Variants in DPF3 observed in about 807,000 individuals in gnomAD.
The protein encoded by DPF3 is zinc finger protein DPF3.
In DPF3, 18 loss-of-function variants were observed where a neutral mutation model predicts 56.8. The ratio of observed to expected loss-of-function variants is 0.32; its 90% confidence interval spans 0.22 to 0.47. The LOEUF (loss-of-function observed/expected upper bound fraction) is 0.47. Ranked by LOEUF, DPF3 falls within the 20% of genes least tolerant of loss-of-function variation. The pLI, the probability that DPF3 is intolerant of heterozygous loss-of-function variation, is 1.00. For synonymous variants in DPF3, 188 were observed against 180.2 expected (o/e 1.04, Z -0.35); for missense variants, 403 against 488.8 (o/e 0.82, Z 1.65).
At chr14:72,868,819 A>G (rs1885781139) in intron 1 of DPF3, among the ~76,000 whole-genome samples, 1 of 151,896 alleles carries the variant, frequency 6.6e-6, no homozygotes, top group Non-Finnish European at 1.5e-5. Flanking sequence ...TCTCATTTTT[A>G]TTTTCTAAAT....
At chr14:72,663,805 A>G (rs1341904535) in intron 8 of DPF3, among the ~76,000 whole-genome samples, 1 of 152,068 alleles carries the variant, frequency 6.6e-6, no homozygotes, top group East Asian at 1.9e-4. Flanking sequence ...AAAGCTCAAA[A>G]GCAAATGAGC....
intron 5 of DPF3, among the ~76,000 whole-genome samples, chr14:72,716,051 G>A (rs1469138454): frequency 1.3e-5 from 2 of 151,726 alleles, no homozygotes; most frequent in Non-Finnish European, 2.9e-5. Context: ...TTGACATGTA[G>A]CCTGCAGCCC....
chr14:72,638,898 G>A (rs560292639), intron 8 of DPF3, among the ~76,000 whole-genome samples: 1 of 151,348 alleles, frequency 6.6e-6, no homozygotes, highest in South Asian at 2.1e-4. Flanking sequence ...CTCACTGCGA[G>A]CTCTGCCTCC....
At chr14:72,697,162 G>A (rs142823043) in intron 6 of DPF3, among the ~76,000 whole-genome samples, 1 of 152,124 alleles carries the variant, frequency 6.6e-6, no homozygotes, top group Non-Finnish European at 1.5e-5. Flanking sequence ...ATTTTTAACC[G>A]GGTATTTGTA....
chr14:72,879,364 G>C (rs562669304), intron 1 of DPF3, among the ~76,000 whole-genome samples: 2 of 150,494 alleles, frequency 1.3e-5, no homozygotes, highest in South Asian at 4.2e-4. Context: ...GTGAGACAGA[G>C]AGAGATTCCA....
Position 72,803,635 on chromosome 14 carries a change from A to G in DPF3, c.33-31742T>C, listed in dbSNP as rs116691115. On this transcript the variant is annotated intron_variant, in intron 1 of 10. Coordinates refer to ENST00000556509, the MANE Select transcript of DPF3 (RefSeq NM_001280542.3). ...TGCCTAGGTGGGCAACTGGAGTGGA[A>G]GCTCCACAAGGGTATGAATGCTGTC... Among the ~76,000 whole-genome samples, 282 of 152,324 alleles carry G rather than the reference A, an allele frequency of 1.9e-3. 1 individual carries two copies. Among genetic ancestry groups the G allele is most frequent in the African/African-American group, 6.6e-3 (274 of 41,580 alleles).
intron 3 of DPF3, among the ~76,000 whole-genome samples, chr14:72,737,887 AT>A (rs1160640468): frequency 6.6e-6 from 1 of 151,932 alleles, no homozygotes. Flanking sequence ...CTGCTAGATC[AT>A]GAGTGCTCAA....
At chr14:72,821,856 T>TA (rs1883560581) in intron 1 of DPF3, among the ~76,000 whole-genome samples, 1 of 151,172 alleles carries the variant, frequency 6.6e-6, no homozygotes, top group South Asian at 2.1e-4. Context: ...ATTTTTTTTT[T>TA]AATTAGCCAG....
chr14:72,639,370 T>C (rs1885477272), intron 8 of DPF3, among the ~76,000 whole-genome samples: 1 of 152,176 alleles, frequency 6.6e-6, no homozygotes, highest in Non-Finnish European at 1.5e-5. Context: ...CATACTCTTT[T>C]GTCATTCTCC....
At chr14:72,752,964 C>T (rs1028896958) in intron 3 of DPF3, among the ~76,000 whole-genome samples, 4 of 152,166 alleles carry the variant, frequency 2.6e-5, no homozygotes, top group Admixed American at 2.6e-4. Flanking sequence ...AGCTGCACAT[C>T]CTTCAGTTCT....
chr14:72,881,511 G>T (rs893551657), intron 1 of DPF3, among the ~76,000 whole-genome samples: 6 of 152,114 alleles, frequency 3.9e-5, no homozygotes, highest in Admixed American at 6.5e-5. Context: ...GGAATCCACC[G>T]TCCCTTCCCT....
intron 1 of DPF3, among the ~76,000 whole-genome samples, chr14:72,816,257 G>C (rs1883280229): frequency 6.6e-6 from 1 of 152,050 alleles, no homozygotes; most frequent in African/African-American, 2.4e-5. Context: ...CCCCACCCTG[G>C]GACCAACAGA....
chr14:72,728,765 G>T (rs939972926), intron 4 of DPF3, among the ~76,000 whole-genome samples: 1 of 151,988 alleles, frequency 6.6e-6, no homozygotes, highest in African/African-American at 2.4e-5. Context: ...TCCTGCCCTC[G>T]AGGAGTTTAC....
chr14:72,645,353 G>T (rs546707965), intron 8 of DPF3, among the ~76,000 whole-genome samples: 13 of 151,234 alleles, frequency 8.6e-5, no homozygotes, highest in African/African-American at 3.2e-4. Flanking sequence ...AGACTAGAGT[G>T]CAGTGGTGCA....
chr14:72,671,590 A>G (rs1886679847), intron 8 of DPF3: 1 of 645,848 alleles, frequency 1.5e-6, no homozygotes, highest in Non-Finnish European at 2.9e-6. Flanking sequence ...AGCTTCCGAC[A>G]GCAAAAGATT....
At chr14:72,864,528 G>T (rs1250057684) in intron 1 of DPF3, among the ~76,000 whole-genome samples, 1 of 152,190 alleles carries the variant, frequency 6.6e-6, no homozygotes, top group Non-Finnish European at 1.5e-5. Context: ...AATAAAAAAT[G>T]CCTGTAACAC....
intron 1 of DPF3, among the ~76,000 whole-genome samples, chr14:72,863,058 T>TTATATATATATATATATATATATATA (rs58405648): frequency 1.4e-5 from 2 of 139,876 alleles, no homozygotes; most frequent in Admixed American, 7.5e-5. Context: ...ATTATTCCAT[T>TTATATATATATATATATATATATATA]TATATATATA....
chr14:72,771,935 TGAAACACACCCAGAGG>T (rs558411408), intron 1 of DPF3, 42 bp from the exon 2 acceptor site: 15,609 of 1,457,986 alleles, frequency 0.011, 127 homozygotes, highest in South Asian at 0.021. Context: ...CAGGGAAGAC[TGAAACACACCCAGAGG>T]GAAACACACC....
chr14:72,834,194 T>C (rs1478063440), intron 1 of DPF3, among the ~76,000 whole-genome samples: 3 of 146,424 alleles, frequency 2.0e-5, no homozygotes, highest in African/African-American at 5.1e-5. Context: ...AACAAACAAA[T>C]AAACAAAAAA....
Sources: gnomAD v4.1 joint callset for allele counts (sites outside exome capture counted in the v4.1 genomes callset) on GRCh38, gnomAD v4.1.1 for gene constraint, MANE v1.5 for transcripts, NCBI Gene and HGNC (gene_info 2026-07-23, HGNC 2026-07-21) for gene names.